KCNMA1: variants seen among roughly 807,000 people sequenced by gnomAD.
KCNMA1 encodes Calcium-activated potassium channel subunit alpha-1.
KCNMA1 carries 29 observed loss-of-function variants against 140.0 expected under a neutral mutation model. That is an observed-to-expected ratio of 0.21 (90% confidence interval 0.15 to 0.28). KCNMA1 has a LOEUF of 0.28. Among genes scored for constraint, KCNMA1 ranks in the 10% least tolerant of loss-of-function variants. The pLI is 1.00. For synonymous variants in KCNMA1, 612 were observed against 611.9 expected (o/e 1.00, Z 0.00); for missense variants, 880 against 1,602.2 (o/e 0.55, Z 7.70).
chr10:77,403,656 C>T (rs923101492), intron 2 of KCNMA1, among the ~76,000 whole-genome samples: 2 of 152,162 alleles, frequency 1.3e-5, no homozygotes, highest in African/African-American at 4.8e-5. Flanking sequence ...CTGCAAATCC[C>T]ACTCCTTGAA....
At chr10:77,599,835 C>T (rs915850177) in intron 1 of KCNMA1, among the ~76,000 whole-genome samples, 2 of 152,164 alleles carry the variant, frequency 1.3e-5, no homozygotes, top group African/African-American at 4.8e-5. Flanking sequence ...ACCACTCCCA[C>T]CTCAGCCGCC....
chr10:77,492,895 A>C (rs2040465580), intron 1 of KCNMA1, among the ~76,000 whole-genome samples: 1 of 152,256 alleles, frequency 6.6e-6, no homozygotes, highest in Admixed American at 6.5e-5. Context: ...AGCATTCTGC[A>C]TGTATTATCA....
chr10:76,880,774 A>G (rs2034322586), downstream of KCNMA1, among the ~76,000 whole-genome samples: 2 of 152,226 alleles, frequency 1.3e-5, no homozygotes, highest in Admixed American at 6.5e-5. Flanking sequence ...GAATGCTGCC[A>G]TGACAAGGAT....
At position 77,570,009 on chromosome 10, in the gene KCNMA1, G is replaced by A. The variant is rs995244775; in HGVS notation, c.378+67256C>T. On this transcript the variant is annotated intron_variant, in intron 1 of 27. Transcript: ENST00000286628. Reference sequence around the variant, plus strand: ...AAATGCTCACCATCACTGGCCATCAGAGAAATGCAAATCAAAACCACAATG... The same window carrying A: ...AAATGCTCACCATCACTGGCCATCAAAGAAATGCAAATCAAAACCACAATG... 8.6e-4 allele frequency among the ~76,000 whole-genome samples: 131 copies of A among 152,148 alleles called. 1 individual carries two copies. The highest frequency in any genetic ancestry group is 2.9e-3 in the African/African-American group (120 of 41,552).
At chr10:77,373,618 G>A (rs979527773) in intron 2 of KCNMA1, 3 of 152,012 alleles carry the variant, frequency 2.0e-5, no homozygotes, top group South Asian at 2.1e-4. Flanking sequence ...TTTTTTTAAC[G>A]AGGAGACACT....
chr10:77,000,900 A>C (rs187829033), intron 19 of KCNMA1, among the ~76,000 whole-genome samples: 76 of 128,788 alleles, frequency 5.9e-4, no homozygotes, highest in African/African-American at 2.1e-3. Flanking sequence ...ATATATATAT[A>C]TCCATCTGCA....
rs972518125 is a variant in KCNMA1, at chr10:77,123,490, G to C, written c.809-2442C>G. Among the ~76,000 whole-genome samples, 5 of 152,250 alleles carry C rather than the reference G, an allele frequency of 3.3e-5. No homozygotes were observed. In the East Asian group the frequency reaches 9.7e-4, roughly 29 times the overall value. ...GGTCCTAACCTTCCAGCCCAACCTA[G>C]ACTGTTATCTCATACCAGTATCACT... On this transcript the variant is annotated intron_variant, in intron 5 of 27. Coordinates refer to ENST00000286628, the MANE Select transcript of KCNMA1 (RefSeq NM_001161352.2).
At chr10:77,387,540 CTTTT>C (rs2095647212) in intron 2 of KCNMA1, among the ~76,000 whole-genome samples, 1 of 148,426 alleles carries the variant, frequency 6.7e-6, no homozygotes, top group African/African-American at 2.5e-5. Context: ...CTTTTCTTTT[CTTTT>C]CTTTTCTTTT....
intron 2 of KCNMA1, among the ~76,000 whole-genome samples, chr10:77,381,337 G>A (rs936702020): frequency 9.2e-5 from 14 of 152,244 alleles, no homozygotes; most frequent in Admixed American, 9.2e-4. Flanking sequence ...GATACAATTA[G>A]TAGGGAATGG....
At chr10:77,101,837 A>T (rs182327151) in intron 9 of KCNMA1, among the ~76,000 whole-genome samples, 1 of 152,368 alleles carries the variant, frequency 6.6e-6, no homozygotes. Context: ...ACATGGAAAG[A>T]AAAGGCCTGT....
chr10:76,923,113 C>A (rs1480683115), intron 23 of KCNMA1, among the ~76,000 whole-genome samples: 1 of 152,138 alleles, frequency 6.6e-6, no homozygotes, highest in African/African-American at 2.4e-5. Flanking sequence ...TTAGAGTTTA[C>A]ATTTTGGGTC....
At chr10:77,595,860 C>G (rs187066266) in intron 1 of KCNMA1, among the ~76,000 whole-genome samples, 4 of 152,164 alleles carry the variant, frequency 2.6e-5, no homozygotes, top group Non-Finnish European at 5.9e-5. Context: ...CCATATTGGC[C>G]AGGCTGGTCT....
At position 77,637,603 on chromosome 10, in the gene KCNMA1, CGCCGCTGCT is replaced by C; in HGVS notation, c.31_39del (p.Ser11_Gly13del). 6.6e-7 allele frequency: 1 copy of C among 1,525,772 alleles called. No homozygotes were observed. The highest frequency in any genetic ancestry group is 8.8e-7 in the Non-Finnish European group (1 of 1,140,630). The allele number at this position is 1,525,772 out of a possible 1,614,324, so 94.5% of individuals were successfully genotyped here. On this transcript the variant is annotated inframe_deletion, in exon 1 of 28. Transcript: ENST00000286628. ...CTGCTGCCTCCGCCGCCGCCGCCGC[CGCCGCTGCT>C]GCCGCCGCCGCCGCCGCCACCATTT...
chr10:77,216,566 A>C (rs1007667922), intron 3 of KCNMA1, among the ~76,000 whole-genome samples: 1 of 152,192 alleles, frequency 6.6e-6, no homozygotes, highest in African/African-American at 2.4e-5. Flanking sequence ...GTCATGAATG[A>C]TGAGACACTT....
intron 3 of KCNMA1, among the ~76,000 whole-genome samples, chr10:77,219,741 T>C (rs2154187610): frequency 6.6e-6 from 1 of 152,284 alleles, no homozygotes; most frequent in East Asian, 1.9e-4. Context: ...TGCCTCAGCC[T>C]CCCAAGTAGC....
intron 1 of KCNMA1, among the ~76,000 whole-genome samples, chr10:77,591,811 C>T (rs1603637914): frequency 6.6e-6 from 1 of 152,314 alleles, no homozygotes; most frequent in East Asian, 1.9e-4. Flanking sequence ...CCTCAGCAAA[C>T]ACCTGTGGAA....
chr10:77,224,787 C>T (rs2050780811), intron 3 of KCNMA1, among the ~76,000 whole-genome samples: 1 of 152,166 alleles, frequency 6.6e-6, no homozygotes, highest in Non-Finnish European at 1.5e-5. Context: ...ACCCTAATGT[C>T]CTCATCCATC....
At chr10:77,182,664 T>A (rs2098812436) in intron 5 of KCNMA1, among the ~76,000 whole-genome samples, 1 of 152,198 alleles carries the variant, frequency 6.6e-6, no homozygotes, top group South Asian at 2.1e-4. Context: ...CAAATAGTCC[T>A]CCAGGTTCTG....
intron 20 of KCNMA1, among the ~76,000 whole-genome samples, chr10:76,967,901 C>T (rs562032933): frequency 2.6e-5 from 4 of 152,248 alleles, no homozygotes; most frequent in South Asian, 2.1e-4. Context: ...TCTCCAGCAA[C>T]GAATGAAAGC....
Sources: gnomAD v4.1 joint callset for allele counts (sites outside exome capture counted in the v4.1 genomes callset) on GRCh38, gnomAD v4.1.1 for gene constraint, MANE v1.5 for transcripts, NCBI Gene and HGNC (gene_info 2026-07-23, HGNC 2026-07-21) for gene names.